The following PEAK1 variants were observed in gnomAD, a reference collection of about 807,000 sequenced individuals.
PEAK1 encodes the protein inactive tyrosine-protein kinase PEAK1.
In PEAK1, 54 loss-of-function variants were observed where a neutral mutation model predicts 124.7. The observed-to-expected ratio is 0.43, with a 90% CI of 0.35 to 0.54. PEAK1 has a LOEUF of 0.54. Ranked by LOEUF, PEAK1 falls within the 20% of genes least tolerant of loss-of-function variation. The pLI is 0.01. For synonymous variants in PEAK1, 719 were observed against 760.0 expected (o/e 0.95, Z 0.89); for missense variants, 2,046 against 2,134.5 (o/e 0.96, Z 0.82).
chr15:77,396,559 C>CT (rs1273324379), intron 1 of PEAK1, among the ~76,000 whole-genome samples: 1 of 152,000 alleles, frequency 6.6e-6, no homozygotes, highest in Non-Finnish European at 1.5e-5. Context: ...TAAAGACACA[C>CT]ATACTGAAAA....
At chr15:77,332,951 G>T in intron 2 of PEAK1, 1 of 571,988 alleles carries the variant, frequency 1.7e-6, no homozygotes, top group Non-Finnish European at 2.2e-6. Context: ...TGTTTTCCAT[G>T]ACAAACTGCC....
intron 2 of PEAK1, among the ~76,000 whole-genome samples, chr15:77,288,860 C>T (rs186579054): frequency 4.8e-5 from 7 of 145,304 alleles, no homozygotes; most frequent in African/African-American, 1.3e-4. Context: ...AACCAGGAGG[C>T]GGAGCTTGCA....
At chr15:77,413,334 C>T (rs529383583) in intron 1 of PEAK1, among the ~76,000 whole-genome samples, 3 of 152,252 alleles carry the variant, frequency 2.0e-5, no homozygotes, top group East Asian at 1.9e-4. Context: ...TTCTAGTGCA[C>T]GGACTATGGG....
chr15:77,177,156 A>G (rs548752770), intron 7 of PEAK1, among the ~76,000 whole-genome samples: 1 of 152,262 alleles, frequency 6.6e-6, no homozygotes, highest in South Asian at 2.1e-4. Flanking sequence ...GGGTTTCACC[A>G]TGTTGGCAAG....
At chr15:77,274,100 T>C (rs1227999948) in intron 5 of PEAK1, among the ~76,000 whole-genome samples, 1 of 152,098 alleles carries the variant, frequency 6.6e-6, no homozygotes, top group Non-Finnish European at 1.5e-5. Context: ...TGGATCCTCA[T>C]CTCTCACCTT....
chr15:77,291,488 G>GC lies in PEAK1; in HGVS notation c.-602-4985dup, dbSNP rs546076735. ...ACATCAACCATAAAAGAAACTGGCG[G>GC]CCCACCAATATGATGCTGACAACCA... On this transcript the variant is annotated intron_variant, in intron 2 of 9. Transcript: ENST00000682557. Among the ~76,000 whole-genome samples the GC allele has an allele frequency of 2.7e-4, 41 of 152,172 alleles. No homozygotes were observed. The East Asian group carries it at 3.7e-3, about 14-fold the overall frequency.
In PEAK1 at chr15:77,414,811, A is replaced by G. The variant is rs556646695; in HGVS notation, c.-666+5195T>C. On this transcript the variant is annotated intron_variant, in intron 1 of 9. Coordinates refer to ENST00000682557, the MANE Select transcript of PEAK1 (RefSeq NM_001385026.1). ...TGCTCTTCATTTGCTCTACAGCTTC[A>G]CACTGACTTCTAGCATTTCATGCTC... Among the ~76,000 whole-genome samples, 10 of 152,372 alleles carry G rather than the reference A, an allele frequency of 6.6e-5. No individual in the cohort carries two copies. The South Asian group carries it at 2.1e-3, about 32-fold the overall frequency.
intron 2 of PEAK1, among the ~76,000 whole-genome samples, chr15:77,363,567 A>C (rs561096441): frequency 6.6e-6 from 1 of 152,126 alleles, no homozygotes; most frequent in East Asian, 1.9e-4. Flanking sequence ...GAAAATCCCC[A>C]CCTCTGTGTT....
intron 6 of PEAK1, among the ~76,000 whole-genome samples, chr15:77,250,657 T>C (rs545535617): frequency 9.9e-5 from 15 of 152,080 alleles, no homozygotes; most frequent in Non-Finnish European, 1.9e-4. Context: ...ATGGTCTCCA[T>C]CTCCTGACCT....
intron 1 of PEAK1, among the ~76,000 whole-genome samples, chr15:77,415,661 C>A (rs1567375863): frequency 6.6e-6 from 1 of 152,184 alleles, no homozygotes; most frequent in Non-Finnish European, 1.5e-5. Context: ...TTCCTTCCTG[C>A]CCTGTCAGTT....
At chr15:77,340,556 G>A (rs182344222) in intron 2 of PEAK1, among the ~76,000 whole-genome samples, 11 of 152,218 alleles carry the variant, frequency 7.2e-5, no homozygotes, top group East Asian at 1.9e-4. Flanking sequence ...CACTGTAATC[G>A]CAGATAGATG....
At chr15:77,135,302 C>T (rs545773665) in intron 8 of PEAK1, among the ~76,000 whole-genome samples, 31 of 152,176 alleles carry the variant, frequency 2.0e-4, no homozygotes, top group Admixed American at 9.2e-4. Flanking sequence ...GTTAAAATCA[C>T]GTCCTTGCAG....
chr15:77,313,941 A>G (rs935639300), intron 2 of PEAK1, among the ~76,000 whole-genome samples: 2 of 151,856 alleles, frequency 1.3e-5, no homozygotes, highest in Non-Finnish European at 2.9e-5. Flanking sequence ...TTTACAATGG[A>G]GAAACCTGGC....
At chr15:77,137,811 A>G (rs1204159245) in intron 8 of PEAK1, among the ~76,000 whole-genome samples, 3 of 152,078 alleles carry the variant, frequency 2.0e-5, no homozygotes, top group African/African-American at 4.8e-5. Flanking sequence ...GAAATGTGAG[A>G]ACATGAGATC....
At position 77,386,530 on chromosome 15, in the gene PEAK1, G is replaced by A. The variant is rs141657485; in HGVS notation, c.-665-21305C>T. Among the ~76,000 whole-genome samples, 3 of 152,094 alleles carry A rather than the reference G, an allele frequency of 2.0e-5. No individual in the cohort carries two copies. The East Asian group carries it at 5.8e-4, about 29-fold the overall frequency. On this transcript the variant is annotated intron_variant, in intron 1 of 9. Coordinates refer to ENST00000682557, the MANE Select transcript of PEAK1 (RefSeq NM_001385026.1). ...TTTTCCAAAACCCCAATCCATTTAG[G>A]CTGGCTTTGTTCATACCCATCAGAA...
At chr15:77,343,533 T>C (rs7167794) in intron 2 of PEAK1, among the ~76,000 whole-genome samples, 96,963 of 147,662 alleles carry the variant, frequency 0.66, 32,850 homozygotes, top group Non-Finnish European at 0.75. Context: ...GTTGCTTAGG[T>C]TGGAGGGGAG....
intron 7 of PEAK1, among the ~76,000 whole-genome samples, chr15:77,172,005 C>A (rs1402656949): frequency 1.3e-5 from 2 of 152,078 alleles, no homozygotes; most frequent in Non-Finnish European, 2.9e-5. Flanking sequence ...TGGTCTCACC[C>A]AGATTCATAA....
At chr15:77,414,149 C>CTTCCTTTCCTTCTGTCT (rs2072643614) in intron 1 of PEAK1, among the ~76,000 whole-genome samples, 1 of 121,106 alleles carries the variant, frequency 8.3e-6, no homozygotes, top group Non-Finnish European at 1.9e-5. Context: ...TCTTTCTTTC[C>CTTCCTTTCCTTCTGTCT]TTCCTTCCTT....
intron 1 of PEAK1, chr15:77,402,849 A>C (rs185282139): frequency 1.0e-6 from 1 of 985,412 alleles, no homozygotes; most frequent in Non-Finnish European, 1.2e-6. Context: ...GCCCTAACGA[A>C]TGGGAAATAT....
Sources: gnomAD v4.1 joint callset for allele counts (sites outside exome capture counted in the v4.1 genomes callset) on GRCh38, gnomAD v4.1.1 for gene constraint, MANE v1.5 for transcripts, NCBI Gene and HGNC (gene_info 2026-07-23, HGNC 2026-07-21) for gene names.